The following PPP2R2A variants were observed in gnomAD, a reference collection of about 807,000 sequenced individuals.
PPP2R2A encodes protein phosphatase 2 regulatory subunit Balpha.
Under a neutral mutation model 53.2 loss-of-function variants are expected in PPP2R2A, and 9 were observed. The ratio of observed to expected loss-of-function variants is 0.17; its 90% CI spans 0.10 to 0.30. PPP2R2A has a LOEUF of 0.30. Ranked by LOEUF, PPP2R2A falls within the 10% of genes least tolerant of loss-of-function variation. The probability of loss-of-function intolerance (pLI) is 1.00; values close to 1 mark genes in which losing one functional copy is unlikely to be tolerated. For synonymous variants in PPP2R2A, 169 were observed against 174.2 expected (o/e 0.97, Z 0.23); for missense variants, 235 against 534.6 (o/e 0.44, Z 5.53).
chr8:26,346,341 A>T (rs927631982), intron 3 of PPP2R2A, among the ~76,000 whole-genome samples: 4 of 152,084 alleles, frequency 2.6e-5, no homozygotes, highest in Non-Finnish European at 5.9e-5. Context: ...GGGTTTTGCC[A>T]TGCTGACCGG....
intron 2 of PPP2R2A, among the ~76,000 whole-genome samples, chr8:26,331,868 GTGT>G (rs1257376854): frequency 1.1e-4 from 16 of 152,272 alleles, no homozygotes; most frequent in East Asian, 9.6e-4. Context: ...TGGATTTTCA[GTGT>G]TGTTTATTTG....
intron 2 of PPP2R2A, among the ~76,000 whole-genome samples, chr8:26,314,932 C>G (rs1802474814): frequency 9.1e-6 from 1 of 109,338 alleles, no homozygotes; most frequent in South Asian, 3.3e-4. Flanking sequence ...TTTTGCTTTA[C>G]ATTCTGGGGG....
intron 9 of PPP2R2A, among the ~76,000 whole-genome samples, chr8:26,366,626 G>C (rs1056674364): frequency 6.6e-6 from 1 of 152,070 alleles, no homozygotes; most frequent in African/African-American, 2.4e-5. Flanking sequence ...TAAATGTCTA[G>C]AATTTTTTTT....
At chr8:26,294,096 T>C (rs940465228) in intron 2 of PPP2R2A, among the ~76,000 whole-genome samples, 3 of 152,204 alleles carry the variant, frequency 2.0e-5, no homozygotes, top group African/African-American at 4.8e-5. Context: ...TGGTTTTAGA[T>C]AAGTAAATTG....
Position 26,360,502 on chromosome 8 carries a change from A to G in PPP2R2A, c.459+221A>G. 1 of 349,644 alleles carries G rather than the reference A, an allele frequency of 2.9e-6. No homozygotes were observed. Among genetic ancestry groups the G allele is most frequent in the African/African-American group, 2.1e-5 (1 of 47,274 alleles). 21.7% of individuals were successfully genotyped at this position (349,644 alleles called of 1,614,324 possible). A position where few individuals can be genotyped will look rare whatever the true frequency, so the allele number is the denominator to read the frequency against. The stretch of plus-strand genomic sequence containing the variant: ...CAGAAGCAGGACTCAAGCACAAGAC[A>G]GTATTTCACGCCATCAGACTTCATC... On this transcript the variant is annotated intron_variant, in intron 5 of 9. Transcript: ENST00000380737. This position sits in a 1 kb window ranked among gnomAD's most constrained non-coding sequence, Gnocchi z 4.5.
At chr8:26,356,905 G>A (rs1162946920) in intron 4 of PPP2R2A, among the ~76,000 whole-genome samples, 6 of 152,062 alleles carry the variant, frequency 3.9e-5, no homozygotes, top group Admixed American at 2.6e-4. Flanking sequence ...GTGTTATTTC[G>A]AAGCAAATCC....
At chr8:26,305,212 A>G (rs770915650) in intron 2 of PPP2R2A, among the ~76,000 whole-genome samples, 1 of 152,210 alleles carries the variant, frequency 6.6e-6, no homozygotes, top group Non-Finnish European at 1.5e-5. Flanking sequence ...TTCAGGGTTC[A>G]TCCCTGTTGT....
chr8:26,327,214 G>T (rs1803134576), intron 2 of PPP2R2A, among the ~76,000 whole-genome samples: 1 of 152,176 alleles, frequency 6.6e-6, no homozygotes, highest in Non-Finnish European at 1.5e-5. Flanking sequence ...TAAATCGAGG[G>T]TGTGCCCTGA....
At chr8:26,364,759 C>G (rs959482758) in intron 8 of PPP2R2A, among the ~76,000 whole-genome samples, 2 of 152,152 alleles carry the variant, frequency 1.3e-5, no homozygotes, top group African/African-American at 4.8e-5. Flanking sequence ...CACTATTGAG[C>G]AACATGGATT....
chr8:26,325,364 G>T (rs963144669), intron 2 of PPP2R2A, among the ~76,000 whole-genome samples: 2 of 151,940 alleles, frequency 1.3e-5, no homozygotes, highest in South Asian at 2.1e-4. Context: ...TCTTGCCGCC[G>T]CCATGTAAGA....
chr8:26,369,650 C>G (rs1330235374), intron 9 of PPP2R2A, among the ~76,000 whole-genome samples: 1 of 152,160 alleles, frequency 6.6e-6, no homozygotes, highest in African/African-American at 2.4e-5. Flanking sequence ...CCTTGGCCTC[C>G]CAAAGTGCTG....
chr8:26,357,568 A>G (rs1478465780), intron 4 of PPP2R2A, among the ~76,000 whole-genome samples: 1 of 152,100 alleles, frequency 6.6e-6, no homozygotes, highest in Non-Finnish European at 1.5e-5. Context: ...TAATTCCTCT[A>G]CATTGCAGAA....
intron 4 of PPP2R2A, among the ~76,000 whole-genome samples, chr8:26,358,298 C>CG (rs887427706): frequency 1.4e-4 from 21 of 151,976 alleles, no homozygotes; most frequent in Admixed American, 1.2e-3. Context: ...GACCAGGGGG[C>CG]GGGGGTGTTG....
intron 2 of PPP2R2A, among the ~76,000 whole-genome samples, chr8:26,313,972 A>C (rs867108391): frequency 6.6e-6 from 1 of 152,228 alleles, no homozygotes; most frequent in South Asian, 2.1e-4. Flanking sequence ...TGGACATTGT[A>C]CATACGGGCT....
intron 4 of PPP2R2A, among the ~76,000 whole-genome samples, chr8:26,358,400 A>G (rs1804903875): frequency 6.6e-6 from 1 of 152,234 alleles, no homozygotes; most frequent in Non-Finnish European, 1.5e-5. Context: ...TATAAATCAT[A>G]TACATATATA....
At chr8:26,320,916 A>G (rs1802808991) in intron 2 of PPP2R2A, among the ~76,000 whole-genome samples, 3 of 152,196 alleles carry the variant, frequency 2.0e-5, no homozygotes, top group Admixed American at 2.0e-4. Flanking sequence ...CTTTTAAAGA[A>G]TGTCTAGAGG....
chr8:26,362,378 G>A lies in PPP2R2A; in HGVS notation c.638-306G>A, dbSNP rs926887231. Among the ~76,000 whole-genome samples, 39 of 151,534 alleles carry A rather than the reference G, an allele frequency of 2.6e-4. No individual in the cohort carries two copies. Among genetic ancestry groups the A allele is most frequent in the Admixed American group, 1.3e-3 (20 of 15,178 alleles). ...AAATTAGTCAGTTGTAGTGGTGTGC[G>A]CCTGTAATCCCAGCTTTTCTGGAGA... On this transcript the variant is annotated intron_variant, in intron 6 of 9. Transcript: ENST00000380737. The surrounding 1 kb of genome is among the most constrained non-coding windows in gnomAD (Gnocchi z 4.4).
intron 2 of PPP2R2A, among the ~76,000 whole-genome samples, chr8:26,298,139 T>A (rs915108451): frequency 6.6e-6 from 1 of 152,202 alleles, no homozygotes; most frequent in African/African-American, 2.4e-5. Context: ...TTGACTGGGA[T>A]GGTGGTTGTA....
In PPP2R2A at chr8:26,321,995, A is replaced by G. The variant is rs532300230; in HGVS notation, c.83-16895A>G. ...TAAACACAGGCCCTTTTCTTTAAAG[A>G]TACATACAGAGAATGATAGACACAT... On this transcript the variant is annotated intron_variant, in intron 2 of 9. Coordinates refer to ENST00000380737, the MANE Select transcript of PPP2R2A (RefSeq NM_002717.4). This position sits in a 1 kb window ranked among gnomAD's most constrained non-coding sequence, Gnocchi z 4.1. Among the ~76,000 whole-genome samples, 15 of 152,332 alleles carry G rather than the reference A, an allele frequency of 9.8e-5. No homozygotes were observed. The highest frequency in any genetic ancestry group is 3.4e-4 in the African/African-American group (14 of 41,574).
Sources: gnomAD v4.1 joint callset for allele counts (sites outside exome capture counted in the v4.1 genomes callset) on GRCh38, gnomAD v4.1.1 for gene constraint, Gnocchi (gnomAD v3.1) non-coding constraint, MANE v1.5 for transcripts, NCBI Gene and HGNC (gene_info 2026-07-23, HGNC 2026-07-21) for gene names.